The following KIAA1958 variants were observed in gnomAD, a reference collection of about 807,000 sequenced individuals.
The protein encoded by KIAA1958 is uncharacterized protein KIAA1958.
KIAA1958 carries 14 observed loss-of-function variants against 47.2 expected under a neutral mutation model. The ratio of observed to expected loss-of-function variants is 0.30; its 90% CI spans 0.20 to 0.46. The LOEUF is 0.46. Among genes scored for constraint, KIAA1958 ranks in the 20% least tolerant of loss-of-function variants. The pLI, the probability that KIAA1958 is intolerant of heterozygous loss-of-function variation, is 1.00. For synonymous variants in KIAA1958, 354 were observed against 353.3 expected, an observed-to-expected ratio of 1.00 and a Z score of -0.02; for missense variants, 803 against 909.2, an observed-to-expected ratio of 0.88 and a Z score of 1.50.
chr9:112,592,157 G>A (rs192970234), intron 2 of KIAA1958, among the ~76,000 whole-genome samples: 25 of 152,268 alleles, frequency 1.6e-4, no homozygotes, highest in Non-Finnish European at 3.7e-4. Context: ...AATGAGGGTG[G>A]AGTAGGTAAT....
chr9:112,647,320 A>T (rs1836992282), intron 3 of KIAA1958, among the ~76,000 whole-genome samples: 1 of 152,224 alleles, frequency 6.6e-6, no homozygotes, highest in African/African-American at 2.4e-5. Context: ...AAGGGTCCTA[A>T]AGTGGTTCTA....
chr9:112,607,221 G>A (rs1349633302), intron 2 of KIAA1958, among the ~76,000 whole-genome samples: 2 of 152,074 alleles, frequency 1.3e-5, no homozygotes, highest in Non-Finnish European at 2.9e-5. Context: ...GCCGGGTGTG[G>A]TGGTGCACAT....
chr9:112,492,772 C>T (rs943071512), intron 1 of KIAA1958, among the ~76,000 whole-genome samples: 1 of 152,016 alleles, frequency 6.6e-6, no homozygotes, highest in Non-Finnish European at 1.5e-5. Flanking sequence ...TTGTTTGAGA[C>T]AGGATCTTTT....
intron 2 of KIAA1958, among the ~76,000 whole-genome samples, chr9:112,592,882 A>G (rs186276875): frequency 1.3e-5 from 2 of 152,310 alleles, no homozygotes; most frequent in East Asian, 1.9e-4. Context: ...GTATGTCTAT[A>G]TGTACTGAAT....
intron 1 of KIAA1958, among the ~76,000 whole-genome samples, chr9:112,505,613 A>G (rs1010316465): frequency 6.6e-6 from 1 of 152,224 alleles, no homozygotes; most frequent in African/African-American, 2.4e-5. Context: ...TAAAACTAAT[A>G]ACTTTAATTA....
At chr9:112,498,505 C>T (rs1249640969) in intron 1 of KIAA1958, among the ~76,000 whole-genome samples, 1 of 152,152 alleles carries the variant, frequency 6.6e-6, no homozygotes, top group Non-Finnish European at 1.5e-5. Context: ...CCATAAAATT[C>T]ACGGCTTTAC....
chr9:112,645,310 A>G (rs1460861329), intron 2 of KIAA1958, among the ~76,000 whole-genome samples: 1 of 151,988 alleles, frequency 6.6e-6, no homozygotes, highest in East Asian at 1.9e-4. Context: ...TAGAAATGCT[A>G]TTTTTTCAGT....
intron 2 of KIAA1958, among the ~76,000 whole-genome samples, chr9:112,606,560 A>G (rs1836239401): frequency 6.6e-6 from 1 of 152,226 alleles, no homozygotes; most frequent in Non-Finnish European, 1.5e-5. Flanking sequence ...GCTAAACTAT[A>G]TACATACTTC....
At chr9:112,603,208 G>C (rs1836165328) in intron 2 of KIAA1958, among the ~76,000 whole-genome samples, 1 of 152,076 alleles carries the variant, frequency 6.6e-6, no homozygotes, top group Admixed American at 6.5e-5. Context: ...AATGGGTGTT[G>C]ATTTATTTTT....
chr9:112,519,144 T>C (rs143493875), intron 1 of KIAA1958, among the ~76,000 whole-genome samples: 49 of 152,224 alleles, frequency 3.2e-4, no homozygotes, highest in Non-Finnish European at 4.9e-4. Context: ...GGTCTCACTA[T>C]GTTACCCAGG....
intron 1 of KIAA1958, among the ~76,000 whole-genome samples, chr9:112,495,318 G>T (rs754390344): frequency 6.6e-6 from 1 of 152,064 alleles, no homozygotes; most frequent in African/African-American, 2.4e-5. Flanking sequence ...AAATTAGATG[G>T]ACTTACCTGT....
intron 1 of KIAA1958, among the ~76,000 whole-genome samples, chr9:112,549,336 C>T (rs927164313): frequency 6.6e-6 from 1 of 152,238 alleles, no homozygotes; most frequent in African/African-American, 2.4e-5. Context: ...TTATAACTCT[C>T]CGTACTATTA....
chr9:112,647,439 A>G lies in KIAA1958; in HGVS notation c.1344+1617A>G, dbSNP rs373947666. 4.6e-5 allele frequency among the ~76,000 whole-genome samples: 7 copies of G among 152,256 alleles called. 2 individuals carry two copies. Among genetic ancestry groups the G allele is most frequent in the African/African-American group, 1.7e-4 (7 of 41,558 alleles). ...TTTTTTGCAGATTCAGAGCAACTAC[A>G]TATGTGCTCGTTAAAAAAAACAAAA... On this transcript the variant is annotated intron_variant, in intron 3 of 3. Coordinates refer to ENST00000337530, the MANE Select transcript of KIAA1958 (RefSeq NM_133465.4).
chr9:112,587,440 G>A (rs1340176158), intron 2 of KIAA1958, among the ~76,000 whole-genome samples: 1 of 152,170 alleles, frequency 6.6e-6, no homozygotes, highest in Admixed American at 6.5e-5. Flanking sequence ...ATGAGCTACT[G>A]CGCCTGGCCC....
chr9:112,608,877 A>T (rs975153695), intron 2 of KIAA1958, among the ~76,000 whole-genome samples: 2 of 152,208 alleles, frequency 1.3e-5, no homozygotes, highest in Non-Finnish European at 2.9e-5. Context: ...CCTTCCTCAG[A>T]AAAAAAGAGA....
intron 2 of KIAA1958, among the ~76,000 whole-genome samples, chr9:112,637,292 A>G (rs1249025474): frequency 6.6e-6 from 1 of 152,106 alleles, no homozygotes; most frequent in East Asian, 1.9e-4. Context: ...CTTTTGCCTG[A>G]ACATCTGTCT....
At chr9:112,569,287 C>T (rs1306844413) in intron 1 of KIAA1958, among the ~76,000 whole-genome samples, 1 of 152,186 alleles carries the variant, frequency 6.6e-6, no homozygotes, top group African/African-American at 2.4e-5. Flanking sequence ...TGTACTCATA[C>T]AGAGACCACA....
intron 2 of KIAA1958, among the ~76,000 whole-genome samples, chr9:112,592,739 A>G (rs1368393801): frequency 3.3e-5 from 5 of 152,202 alleles, no homozygotes; most frequent in Admixed American, 6.5e-5. Flanking sequence ...AGCCTGGGTA[A>G]GATAGTGCTA....
rs964387637 is a variant in KIAA1958 at position 112,667,920 on chromosome 9, G to A, written c.*7851G>A. ...CAGGACATTATCCACTAGAGGAAGGGTATGTATGCTTTTAAATAGATAATA... is the reference window on the plus strand; with the variant it reads ...CAGGACATTATCCACTAGAGGAAGGATATGTATGCTTTTAAATAGATAATA... On this transcript the variant is annotated 3_prime_UTR_variant, in exon 4 of 4. Transcript: ENST00000337530. The A allele has an allele frequency of 6.6e-6, 1 of 152,094 alleles. No homozygotes were observed. Among genetic ancestry groups the A allele is most frequent in the Admixed American group, 6.6e-5 (1 of 15,264 alleles). 9.4% of individuals were successfully genotyped at this position (152,094 alleles called of 1,614,324 possible).
Sources: gnomAD v4.1 joint callset for allele counts (sites outside exome capture counted in the v4.1 genomes callset) on GRCh38, gnomAD v4.1.1 for gene constraint, MANE v1.5 for transcripts, NCBI Gene and HGNC (gene_info 2026-07-23, HGNC 2026-07-21) for gene names.